Variants in ANKRD39 observed in about 807,000 individuals in gnomAD.
ANKRD39 encodes ankyrin repeat domain 39.
ANKRD39 carries 18 observed loss-of-function variants against 20.3 expected under a neutral mutation model. The observed-to-expected ratio is 0.89, with a 90% CI of 0.61 to 1.32. ANKRD39 has a LOEUF of 1.32. ANKRD39 is among the 40% of genes most tolerant of loss of function. The pLI is 0.00. For missense variants in ANKRD39, 243 were observed against 250.7 expected (o/e 0.97, Z 0.21); for synonymous variants, 106 against 111.9 (o/e 0.95, Z 0.33).
At chr2:96,856,051 G>A (rs2079861761) in intron 1 of ANKRD39, among the ~76,000 whole-genome samples, 1 of 152,192 alleles carries the variant, frequency 6.6e-6, no homozygotes, top group African/African-American at 2.4e-5. Flanking sequence ...AAATCTCACA[G>A]TTTCTTTTAT....
intron 1 of ANKRD39, among the ~76,000 whole-genome samples, chr2:96,855,601 T>C (rs1205400087): frequency 6.6e-6 from 1 of 151,536 alleles, no homozygotes; most frequent in Non-Finnish European, 1.5e-5. Context: ...CACGCGCCTG[T>C]AGTCCCAGCT....
At chr2:96,849,292 G>A (rs955155088) in intron 3 of ANKRD39, among the ~76,000 whole-genome samples, 6 of 152,102 alleles carry the variant, frequency 3.9e-5, no homozygotes, top group Non-Finnish European at 8.8e-5. Flanking sequence ...AGCTGAGATT[G>A]CAGGCGTGCA....
chr2:96,856,694 T>C (rs1020345423), intron 1 of ANKRD39, among the ~76,000 whole-genome samples: 3 of 152,160 alleles, frequency 2.0e-5, no homozygotes, highest in Non-Finnish European at 4.4e-5. Context: ...TGTCTCCAGA[T>C]ATTCAAAGTC....
chr2:96,856,446 A>C (rs1004268462), intron 1 of ANKRD39, among the ~76,000 whole-genome samples: 1 of 149,998 alleles, frequency 6.7e-6, no homozygotes, highest in Non-Finnish European at 1.5e-5. Flanking sequence ...GCCAGCCTGG[A>C]CAAAAGAGGG....
chr2:96,850,599 A>C (rs1393766328), intron 3 of ANKRD39, among the ~76,000 whole-genome samples: 1 of 151,936 alleles, frequency 6.6e-6, no homozygotes, highest in Non-Finnish European at 1.5e-5. Flanking sequence ...CAGGAGGCAG[A>C]GGTTGCAGTG....
At chr2:96,857,646 G>A (rs183471229) in intron 1 of ANKRD39, among the ~76,000 whole-genome samples, 2 of 152,366 alleles carry the variant, frequency 1.3e-5, no homozygotes, top group East Asian at 3.9e-4. Flanking sequence ...GGAGGGTTAC[G>A]GAAACCAGTG....
At chr2:96,852,083 C>T (rs2079840553) in intron 3 of ANKRD39, among the ~76,000 whole-genome samples, 1 of 151,962 alleles carries the variant, frequency 6.6e-6, no homozygotes. Context: ...TGGTGGCATG[C>T]ACCTGTAGTC....
At chr2:96,854,586 A>G (rs1436351296) in intron 1 of ANKRD39, 145 bp from the exon 2 acceptor site, 3 of 786,826 alleles carry the variant, frequency 3.8e-6, no homozygotes, top group Non-Finnish European at 4.1e-6. Flanking sequence ...CTCTGTGTCA[A>G]GGTTTGTTCT....
In ANKRD39 at chr2:96,857,946, C is replaced by T; in HGVS notation, c.42G>A (p.Ser14=). 1 of 1,578,646 alleles carries T rather than the reference C, an allele frequency of 6.3e-7. No individual in the cohort carries two copies. Among genetic ancestry groups the T allele is most frequent in the Non-Finnish European group, 8.5e-7 (1 of 1,169,600 alleles). ...PRPCADGPCC[S]HPSAVLGVQQ... Reference sequence around the variant, plus strand: ...GTACGCCGAGCACCGCGCTGGGATGCGAGCAGCAGGGCCCGTCCGCGCAGG... The same window carrying T: ...GTACGCCGAGCACCGCGCTGGGATGTGAGCAGCAGGGCCCGTCCGCGCAGG... Residue 14 remains serine, a synonymous_variant, in exon 1 of 4, where the codon TCG becomes TCA. Transcript: ENST00000393537.
Position 96,854,300 on chromosome 2 carries a change from G to A in ANKRD39, c.204+38C>T, listed in dbSNP as rs58219990. 7,582 of 1,592,728 alleles carry A rather than the reference G, an allele frequency of 4.8e-3. 269 individuals are homozygous for A. In the African/African-American group the frequency reaches 0.083, roughly 17 times the overall value. On this transcript the variant is annotated intron_variant, in intron 2 of 3. Coordinates refer to ENST00000393537, the MANE Select transcript of ANKRD39 (RefSeq NM_016466.6). ...GAGAGCAGGTGTCTCCTGAGTTAAC[G>A]CTTCTGTCTCCTGACCCTGTGCTCC... is the stretch of plus-strand genomic sequence containing the variant.
intron 3 of ANKRD39, among the ~76,000 whole-genome samples, chr2:96,850,373 C>T (rs183855796): frequency 6.6e-6 from 1 of 152,232 alleles, no homozygotes; most frequent in Non-Finnish European, 1.5e-5. Flanking sequence ...TTTTAAAAGA[C>T]ACATACGCAG....
chr2:96,853,673 G>C (rs2079849741), intron 2 of ANKRD39, 69 bp from the exon 3 acceptor site: 4 of 1,474,026 alleles, frequency 2.7e-6, no homozygotes, highest in Non-Finnish European at 3.7e-6. Flanking sequence ...ATAGAGGTGA[G>C]AGCATGGCCT....
rs752991785 is a variant in ANKRD39, at chr2:96,857,955, G to A, written c.33C>T (p.Pro11=). The change falls in exon 1 of 4, where the codon CCC becomes CCT. Residue 11 remains proline, a synonymous_variant. Transcript: ENST00000393537. ...GCACCGCGCTGGGATGCGAGCAGCA[G>A]GGCCCGTCCGCGCAGGGCCGAGGCG... MATPRPCADG[P]CCSHPSAVLG... The A allele has an allele frequency of 3.2e-6, 5 of 1,570,078 alleles. No individual in the cohort carries two copies. The highest frequency in any genetic ancestry group is 4.3e-6 in the Non-Finnish European group (5 of 1,165,370).
Position 96,853,587 on chromosome 2 carries a change from A to T in ANKRD39, c.222T>A (p.Asn74Lys). The T allele has an allele frequency of 1.2e-6, 2 of 1,612,174 alleles. No homozygotes were observed. Among genetic ancestry groups the T allele is most frequent in the South Asian group, 2.2e-5 (2 of 90,940 alleles). ...GYTALHYASR[N>K]GHYAVCQFLL... is the part of the protein sequence containing the mutation. ...GGAACTGGCACACAGCGTAGTGCCC[A>T]TTGCGGCTGGCATAGTGCTGCAGGG... is the stretch of plus-strand genomic sequence containing the variant. The change falls in exon 3 of 4, where the codon AAT (asparagine) becomes AAA (lysine). Residue 74 changes from asparagine (N) to lysine (K), a missense_variant. Transcript: ENST00000393537.
intron 2 of ANKRD39, among the ~76,000 whole-genome samples, chr2:96,853,841 C>G (rs2079850462): frequency 6.6e-6 from 1 of 152,184 alleles, no homozygotes; most frequent in Non-Finnish European, 1.5e-5. Flanking sequence ...AAAACTAAAT[C>G]ATTGGCTGGG....
Position 96,858,005 on chromosome 2 carries a change from T to G in ANKRD39, c.-18A>C. 6.6e-7 allele frequency: 1 copy of G among 1,517,262 alleles called. No homozygotes were observed. Among genetic ancestry groups the G allele is most frequent in the Non-Finnish European group, 8.8e-7 (1 of 1,138,566 alleles). The allele number at this position is 1,517,262 out of a possible 1,614,324, so 94.0% of individuals were successfully genotyped here. A position where few individuals can be genotyped will look rare whatever the true frequency, so the allele number is the denominator to read the frequency against. Reference sequence around the variant, plus strand: ...GTCGCCATCCCGGCCCCGGCGTCAGTCGATCCGCCCCGGGTCTCAGGCTCA... The same window carrying G: ...GTCGCCATCCCGGCCCCGGCGTCAGGCGATCCGCCCCGGGTCTCAGGCTCA... On this transcript the variant is annotated 5_prime_UTR_variant, in exon 1 of 4. Coordinates refer to ENST00000393537, the MANE Select transcript of ANKRD39 (RefSeq NM_016466.6).
Position 96,858,010 on chromosome 2 carries a change from C to A in ANKRD39, c.-23G>T. The A allele has an allele frequency of 1.3e-6, 2 of 1,514,416 alleles. No homozygotes were observed. Among genetic ancestry groups the A allele is most frequent in the Non-Finnish European group, 1.8e-6 (2 of 1,136,568 alleles). 93.8% of individuals were successfully genotyped at this position (1,514,416 alleles called of 1,614,324 possible). On this transcript the variant is annotated 5_prime_UTR_variant, in exon 1 of 4. Coordinates refer to ENST00000393537, the MANE Select transcript of ANKRD39 (RefSeq NM_016466.6). ...CATCCCGGCCCCGGCGTCAGTCGATCCGCCCCGGGTCTCAGGCTCAGCCTC... is the reference window on the plus strand; with the variant it reads ...CATCCCGGCCCCGGCGTCAGTCGATACGCCCCGGGTCTCAGGCTCAGCCTC...
chr2:96,854,239 G>C, intron 2 of ANKRD39, 99 bp downstream of exon 2: 7 of 1,205,836 alleles, frequency 5.8e-6, no homozygotes, highest in Non-Finnish European at 8.1e-6. Context: ...GAAAGGGAGG[G>C]AGGAGGTAAA....
Position 96,848,213 on chromosome 2 carries a change from T to C in ANKRD39, c.*88A>G, listed in dbSNP as rs1265341635. 2.6e-6 allele frequency: 4 copies of C among 1,562,044 alleles called. No individual in the cohort carries two copies. The highest frequency in any genetic ancestry group is 4.5e-5 in the East Asian group (2 of 44,166). The stretch of plus-strand genomic sequence containing the variant: ...CCTGGGTGGTCTGGCCTCAGTTCCC[T>C]GCCCAGCAGCATGGATGCTGACCAA... On this transcript the variant is annotated 3_prime_UTR_variant, in exon 4 of 4. Coordinates refer to ENST00000393537, the MANE Select transcript of ANKRD39 (RefSeq NM_016466.6).
Sources: allele counts gnomAD v4.1 joint callset (sites outside exome capture counted in the v4.1 genomes callset), GRCh38; gene constraint gnomAD v4.1.1; transcripts MANE v1.5; gene names NCBI Gene and HGNC (gene_info 2026-07-23, HGNC 2026-07-21).